Variants in DOCK1 observed in about 807,000 individuals in gnomAD.
The protein encoded by DOCK1 is dedicator of cytokinesis 1.
Under a neutral mutation model 262.7 loss-of-function variants are expected in DOCK1, and 138 were observed. The ratio of observed to expected loss-of-function variants is 0.53; its 90% CI spans 0.46 to 0.61. The LOEUF (loss-of-function observed/expected upper bound fraction) is 0.61, where lower values mean the gene tolerates loss of function less well. DOCK1 is among the 20% of genes least tolerant of loss of function. DOCK1 has a pLI of 0.00. For synonymous variants in DOCK1, 866 were observed against 867.4 expected (o/e 1.00, Z 0.03); for missense variants, 1,908 against 2,370.7 (o/e 0.80, Z 4.05).
rs182004240 is a variant in DOCK1, at chr10:126,991,683, C to T, written c.473+1080C>T. 3.2e-3 allele frequency among the ~76,000 whole-genome samples: 482 copies of T among 152,204 alleles called. 2 individuals are homozygous for T. The highest frequency in any genetic ancestry group is 0.011 in the African/African-American group (458 of 41,542). ...TAGCTGGGATTATAGGCATGCACCA[C>T]CATGCCTGGCTAATTTTGTATTTTT... On this transcript the variant is annotated intron_variant, in intron 6 of 51. Transcript: ENST00000623213.
chr10:126,980,945 G>GTT (rs1204873693), intron 3 of DOCK1, among the ~76,000 whole-genome samples: 17 of 139,042 alleles, frequency 1.2e-4, no homozygotes, highest in Admixed American at 1.5e-4. Flanking sequence ...AGGACCCTAC[G>GTT]TTTTTTTTTT....
intron 38 of DOCK1, among the ~76,000 whole-genome samples, chr10:127,402,270 G>A (rs528648520): frequency 6.6e-6 from 1 of 152,296 alleles, no homozygotes; most frequent in Admixed American, 6.5e-5. Flanking sequence ...GAGCACAGAG[G>A]AGGAGAGTGG....
In DOCK1 at chr10:127,409,164, A is replaced by C. The variant is rs113965990; in HGVS notation, c.4250A>C (p.Asn1417Thr). Residue 1417 changes from asparagine (N) to threonine (T), a missense_variant, in exon 41 of 52, where the codon AAC becomes ACC. Around this residue, in one of 9 missense-constraint regions of DOCK1, gnomAD observed 267 missense variants for 366.3 expected, o/e 0.73. Transcript: ENST00000623213. The part of the protein sequence containing the change: ...TTSPPGDDIK[N>T]SPGQYIQCFT... ...TCTCCACCAGGCGACGATATTAAAA[A>C]CTCTCCTGGCCAGTGTATCCTTTAA... is the stretch of plus-strand genomic sequence containing the variant. 244 of 1,611,216 alleles carry C rather than the reference A, an allele frequency of 1.5e-4. No homozygotes were observed. Among genetic ancestry groups the C allele is most frequent in the Non-Finnish European group, 1.9e-4 (228 of 1,179,058 alleles).
At chr10:127,003,111 C>T (rs761624949) in intron 10 of DOCK1, among the ~76,000 whole-genome samples, 9 of 150,938 alleles carry the variant, frequency 6.0e-5, no homozygotes, top group Non-Finnish European at 1.2e-4. Flanking sequence ...TGTGAACCCA[C>T]GTGAACCTTT....
chr10:127,060,530 G>A (rs553636902), intron 22 of DOCK1, among the ~76,000 whole-genome samples: 2 of 152,194 alleles, frequency 1.3e-5, no homozygotes, highest in South Asian at 2.1e-4. Context: ...TTCAGGTATC[G>A]TATATTTTTA....
chr10:127,321,365 A>ATTTT (rs113267450), intron 29 of DOCK1, among the ~76,000 whole-genome samples: 3 of 127,194 alleles, frequency 2.4e-5, no homozygotes, highest in Non-Finnish European at 4.8e-5. Flanking sequence ...TCTCTAGCTC[A>ATTTT]TTTTTTTTTT....
In DOCK1 at chr10:127,012,389, A is replaced by G. The variant is rs371762507; in HGVS notation, c.1201+15A>G. On this transcript the variant is annotated intron_variant, in intron 12 of 51. Coordinates refer to ENST00000623213, the MANE Select transcript of DOCK1 (RefSeq NM_001290223.2). The surrounding 1 kb of genome is among the most constrained non-coding windows in gnomAD (Gnocchi z 4.0). ...CAAGGGGCAGGGTACGTATTTTCCTATTTTGTTTCTATCAGCGTGTATTTG... is the reference window on the plus strand; with the variant it reads ...CAAGGGGCAGGGTACGTATTTTCCTGTTTTGTTTCTATCAGCGTGTATTTG... The G allele has an allele frequency of 4.2e-5, 68 of 1,612,940 alleles. No individual in the cohort carries two copies. Among genetic ancestry groups the G allele is most frequent in the Non-Finnish European group, 5.5e-5 (65 of 1,179,310 alleles).
chr10:126,947,753 GGTT>G (rs2035636815), intron 1 of DOCK1, among the ~76,000 whole-genome samples: 1 of 85,590 alleles, frequency 1.2e-5, no homozygotes, highest in Non-Finnish European at 2.5e-5. Context: ...TGATGGTGGT[GGTT>G]GGTAGTATTA....
intron 2 of DOCK1, among the ~76,000 whole-genome samples, chr10:126,971,005 A>G (rs1271380075): frequency 1.3e-5 from 2 of 150,594 alleles, no homozygotes; most frequent in African/African-American, 4.9e-5. Context: ...TGAAATTCCC[A>G]TTTTTAAACT....
intron 25 of DOCK1, among the ~76,000 whole-genome samples, chr10:127,110,575 T>C (rs1456516478): frequency 6.6e-6 from 1 of 152,212 alleles, no homozygotes; most frequent in Non-Finnish European, 1.5e-5. Flanking sequence ...TCGTAGTTTG[T>C]AATTTAGGTA....
chr10:126,950,794 C>T (rs918295395), intron 1 of DOCK1, among the ~76,000 whole-genome samples: 15 of 152,186 alleles, frequency 9.9e-5, no homozygotes, highest in African/African-American at 2.6e-4. Context: ...TGAGGAAATG[C>T]GTCAAGTGTT....
At chr10:127,420,693 G>C (rs2134489274) in intron 46 of DOCK1, among the ~76,000 whole-genome samples, 1 of 152,100 alleles carries the variant, frequency 6.6e-6, no homozygotes, top group Middle Eastern at 3.4e-3. Flanking sequence ...TACAAAATTA[G>C]CTGGGCGTGG....
intron 15 of DOCK1, 169 bp downstream of exon 15, chr10:127,024,952 A>G (rs1180805742): frequency 9.1e-6 from 5 of 549,802 alleles, no homozygotes; most frequent in African/African-American, 3.8e-5. Context: ...GGTGTTTCTT[A>G]GAATACATTT....
At chr10:127,077,559 A>G (rs192285984) in intron 23 of DOCK1, among the ~76,000 whole-genome samples, 1 of 152,238 alleles carries the variant, frequency 6.6e-6, no homozygotes, top group Admixed American at 6.5e-5. Context: ...CAAGGATGGC[A>G]TGGGTGGGTG....
At chr10:127,036,970 G>A (rs2043666485) in intron 18 of DOCK1, among the ~76,000 whole-genome samples, 1 of 93,252 alleles carries the variant, frequency 1.1e-5, no homozygotes, top group African/African-American at 4.1e-5. Flanking sequence ...AGAGCGAAAC[G>A]CCATCTCAAG....
At chr10:127,122,061 A>G (rs1254707184) in intron 25 of DOCK1, among the ~76,000 whole-genome samples, 1 of 152,234 alleles carries the variant, frequency 6.6e-6, no homozygotes, top group Non-Finnish European at 1.5e-5. Flanking sequence ...CAGTGTTCCG[A>G]TAACGGGGCA....
chr10:127,195,908 G>A lies in DOCK1; in HGVS notation c.2848-52100G>A, dbSNP rs2057099872. 2.0e-5 allele frequency: 3 copies of A among 152,228 alleles called. 1 individual carries two copies. The South Asian group carries it at 6.2e-4, about 31-fold the overall frequency. The allele number at this position is 152,228 out of a possible 1,614,324, so 9.4% of individuals were successfully genotyped here. A position where few individuals can be genotyped will look rare whatever the true frequency, so the allele number is the denominator to read the frequency against. On this transcript the variant is annotated intron_variant, in intron 27 of 51. Coordinates refer to ENST00000623213, the MANE Select transcript of DOCK1 (RefSeq NM_001290223.2). The stretch of plus-strand genomic sequence containing the variant: ...GGCCGAGTGTGTGCGCCCGAATCGG[G>A]GTCGGCGCCCGTCCCAGCGGTGCTC...
intron 27 of DOCK1, chr10:127,145,964 G>A: frequency 5.8e-6 from 3 of 513,868 alleles, no homozygotes; most frequent in South Asian, 4.3e-5. Context: ...GCCTATCTGT[G>A]AGGAAGAACC....
At chr10:127,276,443 G>A (rs908312580) in intron 29 of DOCK1, among the ~76,000 whole-genome samples, 5 of 152,204 alleles carry the variant, frequency 3.3e-5, no homozygotes, top group Non-Finnish European at 7.3e-5. Context: ...ATACTCAGAT[G>A]TCTTCCAGAA....
Sources: gnomAD v4.1 joint callset for allele counts (sites outside exome capture counted in the v4.1 genomes callset) on GRCh38, gnomAD v4.1.1 for gene constraint, gnomAD v4.1.1 regional missense constraint, Gnocchi (gnomAD v3.1) non-coding constraint, MANE v1.5 for transcripts, NCBI Gene and HGNC (gene_info 2026-07-23, HGNC 2026-07-21) for gene names.